Variants in UNC5C observed in about 807,000 individuals in gnomAD.
UNC5C encodes netrin receptor UNC5C.
A neutral mutation model predicts 99.8 loss-of-function variants in UNC5C; 47 were observed. The observed-to-expected ratio is 0.47, with a 90% CI of 0.37 to 0.60. UNC5C has a LOEUF of 0.60. UNC5C is among the 20% of genes least tolerant of loss of function. UNC5C has a pLI of 0.00. For synonymous variants in UNC5C, 487 were observed against 452.2 expected (o/e 1.08, Z -0.98); for missense variants, 1,062 against 1,165.9 (o/e 0.91, Z 1.30).
At chr4:95,184,512 C>T (rs558931577) in intron 13 of UNC5C, among the ~76,000 whole-genome samples, 3 of 152,280 alleles carry the variant, frequency 2.0e-5, no homozygotes, top group African/African-American at 7.2e-5. Context: ...CCTTGAGGGT[C>T]ATGTGATTTT....
chr4:95,169,133 G>T lies in UNC5C; in HGVS notation c.*101C>A. 6.9e-7 allele frequency: 1 copy of T among 1,458,806 alleles called. No individual in the cohort carries two copies. Among genetic ancestry groups the T allele is most frequent in the Non-Finnish European group, 9.4e-7 (1 of 1,059,956 alleles). The allele number at this position is 1,458,806 out of a possible 1,614,324, so 90.4% of individuals were successfully genotyped here. A position where few individuals can be genotyped will look rare whatever the true frequency, so the allele number is the denominator to read the frequency against. On this transcript the variant is annotated 3_prime_UTR_variant, in exon 16 of 16. Transcript: ENST00000453304. ...CCTGCTGCAGTCTTGCCTGTGAAGT[G>T]CATTGGTCTCATCTGGATTTCCTCC...
At chr4:95,169,458 C>T (rs1288367809) in intron 15 of UNC5C, 59 bp from the exon 16 acceptor site, 10 of 1,570,054 alleles carry the variant, frequency 6.4e-6, no homozygotes, top group Non-Finnish European at 8.7e-6. Flanking sequence ...TATTTTTCCT[C>T]AGCTAAACCT....
chr4:95,448,242 G>GAGAGAGAC (rs1253158371), intron 1 of UNC5C, among the ~76,000 whole-genome samples: 5 of 150,688 alleles, frequency 3.3e-5, no homozygotes, highest in Non-Finnish European at 7.4e-5. Flanking sequence ...GAGAGAGAGA[G>GAGAGAGAC]AGAGAGAGAG....
At chr4:95,397,493 T>C (rs1350134392) in intron 1 of UNC5C, among the ~76,000 whole-genome samples, 4 of 152,344 alleles carry the variant, frequency 2.6e-5, no homozygotes, top group Admixed American at 2.0e-4. Context: ...GAACCTGGTG[T>C]CTTTATAGCT....
At chr4:95,246,567 A>G (rs148792458) in intron 5 of UNC5C, among the ~76,000 whole-genome samples, 306 of 152,192 alleles carry the variant, frequency 2.0e-3, no homozygotes, top group African/African-American at 7.1e-3. Context: ...CTCCAAATAA[A>G]TAAATAATAC....
chr4:95,217,547 A>G (rs1180409691), intron 9 of UNC5C, among the ~76,000 whole-genome samples: 1 of 152,232 alleles, frequency 6.6e-6, no homozygotes, highest in Non-Finnish European at 1.5e-5. Context: ...ATATAAAGTA[A>G]TAGGTAACTA....
Position 95,401,019 on chromosome 4 carries a change from C to T in UNC5C, c.125-65388G>A, listed in dbSNP as rs114835858. On this transcript the variant is annotated intron_variant, in intron 1 of 15. Transcript: ENST00000453304. Reference sequence around the variant, plus strand: ...ATATTCTCATTTTCTTTTATTTTAACGACTGAGTTTTTGGATGTTAAGGTA... The same window carrying T: ...ATATTCTCATTTTCTTTTATTTTAATGACTGAGTTTTTGGATGTTAAGGTA... Among the ~76,000 whole-genome samples, 1,458 of 152,208 alleles carry T rather than the reference C, an allele frequency of 9.6e-3. 16 individuals carry two copies. The highest frequency in any genetic ancestry group is 0.019 in the African/African-American group (771 of 41,528).
At chr4:95,505,160 G>A (rs905201023) in intron 1 of UNC5C, among the ~76,000 whole-genome samples, 2 of 151,954 alleles carry the variant, frequency 1.3e-5, no homozygotes. Flanking sequence ...ATTATTCATT[G>A]GCAAGGAACA....
At chr4:95,548,018 G>C (rs1002854515) in intron 1 of UNC5C, among the ~76,000 whole-genome samples, 1 of 152,180 alleles carries the variant, frequency 6.6e-6, no homozygotes, top group Non-Finnish European at 1.5e-5. Flanking sequence ...ACAAGCAGCC[G>C]GTTCCCCCAG....
Position 95,381,478 on chromosome 4 carries a change from T to C in UNC5C, c.125-45847A>G, listed in dbSNP as rs140879958. On this transcript the variant is annotated intron_variant, in intron 1 of 15. Transcript: ENST00000453304. The stretch of plus-strand genomic sequence containing the variant: ...TTTATCTTTTCAAACAAACATGCCT[T>C]TTCTAGCTTTATTACCAGAAAGAAG... 3.3e-5 allele frequency among the ~76,000 whole-genome samples: 5 copies of C among 152,288 alleles called. No homozygotes were observed. The East Asian group carries it at 9.7e-4, about 29-fold the overall frequency.
At chr4:95,314,549 T>A (rs1742399839) in intron 2 of UNC5C, among the ~76,000 whole-genome samples, 1 of 152,184 alleles carries the variant, frequency 6.6e-6, no homozygotes, top group South Asian at 2.1e-4. Flanking sequence ...CATTAAGCAA[T>A]TGAACAGAAA....
intron 2 of UNC5C, among the ~76,000 whole-genome samples, chr4:95,320,673 T>C (rs1352424495): frequency 1.3e-5 from 2 of 152,212 alleles, no homozygotes. Flanking sequence ...AGTAGCATGT[T>C]ATCTGGATGA....
At chr4:95,482,559 C>T (rs1451979014) in intron 1 of UNC5C, among the ~76,000 whole-genome samples, 8 of 149,336 alleles carry the variant, frequency 5.4e-5, no homozygotes, top group Middle Eastern at 3.4e-3. Flanking sequence ...CACATGCACA[C>T]GTATGTTTAT....
chr4:95,337,969 T>A (rs950416906), intron 1 of UNC5C, among the ~76,000 whole-genome samples: 2 of 152,066 alleles, frequency 1.3e-5, no homozygotes, highest in African/African-American at 4.8e-5. Flanking sequence ...ATGCCCTGGA[T>A]GAATTCCTGT....
chr4:95,496,061 G>T (rs72876464), intron 1 of UNC5C, among the ~76,000 whole-genome samples: 18,569 of 151,646 alleles, frequency 0.12, 1,294 homozygotes, highest in African/African-American at 0.18. Context: ...ATGTCAAAAT[G>T]TCTACAACTA....
chr4:95,216,028 T>C (rs1738236113), intron 10 of UNC5C, 96 bp downstream of exon 10: 1 of 1,048,524 alleles, frequency 9.5e-7, no homozygotes, highest in Admixed American at 2.4e-5. Context: ...GCAAGGCACT[T>C]GAGACAAAAA....
At chr4:95,196,043 T>C (rs1053742605) in intron 12 of UNC5C, among the ~76,000 whole-genome samples, 1 of 152,228 alleles carries the variant, frequency 6.6e-6, no homozygotes, top group Non-Finnish European at 1.5e-5. Flanking sequence ...TCTCAGAGTT[T>C]AGTATAAAAC....
chr4:95,255,260 G>T (rs557128220), intron 4 of UNC5C, among the ~76,000 whole-genome samples: 1 of 152,144 alleles, frequency 6.6e-6, no homozygotes, highest in African/African-American at 2.4e-5. Flanking sequence ...GATTACAGGT[G>T]TGAGCCACCA....
chr4:95,164,251 A>G lies in UNC5C; in HGVS notation c.*4983T>C, dbSNP rs1359698525. The G allele has an allele frequency of 6.6e-6, 1 of 152,226 alleles. No individual in the cohort carries two copies. Among genetic ancestry groups the G allele is most frequent in the Non-Finnish European group, 1.5e-5 (1 of 68,050 alleles). The allele number at this position is 152,226 out of a possible 1,614,324, so 9.4% of individuals were successfully genotyped here. Reference sequence around the variant, plus strand: ...TTTTCACACTAGAATTCTGGAAATGACTTCATTTGGCTTTCCTGGCCTGTA... The same window carrying G: ...TTTTCACACTAGAATTCTGGAAATGGCTTCATTTGGCTTTCCTGGCCTGTA... On this transcript the variant is annotated 3_prime_UTR_variant, in exon 16 of 16. Transcript: ENST00000453304.
Sources: gnomAD v4.1 joint callset for allele counts (sites outside exome capture counted in the v4.1 genomes callset) on GRCh38, gnomAD v4.1.1 for gene constraint, MANE v1.5 for transcripts, NCBI Gene and HGNC (gene_info 2026-07-23, HGNC 2026-07-21) for gene names.